Variants in PRDM10 observed in about 807,000 individuals in gnomAD.
PRDM10 encodes PR domain zinc finger protein 10.
In PRDM10, 65 loss-of-function variants were observed where a neutral mutation model predicts 133.1. The ratio of observed to expected loss-of-function variants is 0.49; its 90% CI spans 0.40 to 0.60. The LOEUF (loss-of-function observed/expected upper bound fraction) is 0.60, where lower values mean the gene tolerates loss of function less well. Ranked by LOEUF, PRDM10 falls within the 20% of genes least tolerant of loss-of-function variation. The pLI is 0.00. For missense variants in PRDM10, 1,137 were observed against 1,507.1 expected, an observed-to-expected ratio of 0.75 and a Z score of 4.07; for synonymous variants, 582 against 580.4, an observed-to-expected ratio of 1.00 and a Z score of -0.04.
At chr11:130,000,883 G>A (rs1939323335) in intron 1 of PRDM10, among the ~76,000 whole-genome samples, 1 of 152,184 alleles carries the variant, frequency 6.6e-6, no homozygotes, top group Admixed American at 6.5e-5. Flanking sequence ...GCGGCGGTAG[G>A]ATTGCTTGAG....
At chr11:129,953,536 T>G (rs1255808338) in intron 4 of PRDM10, among the ~76,000 whole-genome samples, 3 of 152,092 alleles carry the variant, frequency 2.0e-5, no homozygotes. Flanking sequence ...TCAAGTGATC[T>G]GCCTGCCTCA....
At chr11:129,915,982 T>C (rs1950344949) in intron 15 of PRDM10, 122 bp from the exon 16 acceptor site, 1 of 842,412 alleles carries the variant, frequency 1.2e-6, no homozygotes, top group Admixed American at 3.1e-5. Context: ...AAATAAAATA[T>C]ATTAATATGT....
chr11:129,986,552 A>G (rs1032475817), intron 1 of PRDM10, among the ~76,000 whole-genome samples: 3 of 152,020 alleles, frequency 2.0e-5, no homozygotes, highest in African/African-American at 7.2e-5. Flanking sequence ...ATGGCCGGCT[A>G]ATTTTTTTGT....
intron 1 of PRDM10, among the ~76,000 whole-genome samples, chr11:130,002,208 G>A (rs913019913): frequency 2.0e-5 from 3 of 147,808 alleles, no homozygotes; most frequent in African/African-American, 7.3e-5. Context: ...CGCCCGGAGC[G>A]CCCGCGCAAC....
intron 1 of PRDM10, among the ~76,000 whole-genome samples, chr11:129,972,010 G>A (rs898373646): frequency 2.0e-5 from 3 of 152,224 alleles, no homozygotes; most frequent in African/African-American, 4.8e-5. Context: ...GTGAGAAATC[G>A]AGTGCAGCGC....
intron 1 of PRDM10, among the ~76,000 whole-genome samples, chr11:129,964,849 T>C (rs1342894087): frequency 1.3e-5 from 2 of 152,258 alleles, no homozygotes; most frequent in South Asian, 2.1e-4. Flanking sequence ...ATCTATCATA[T>C]GTAAAATGGA....
chr11:129,930,180 A>C (rs1950808191), intron 11 of PRDM10, among the ~76,000 whole-genome samples: 1 of 149,906 alleles, frequency 6.7e-6, no homozygotes, highest in South Asian at 2.1e-4. Flanking sequence ...ATGCATGTAG[A>C]AATTGTAAAG....
At chr11:129,969,575 CTT>C in intron 1 of PRDM10, among the ~76,000 whole-genome samples, 1 of 151,138 alleles carries the variant, frequency 6.6e-6, no homozygotes, top group African/African-American at 2.4e-5. Flanking sequence ...GGGCGGATCA[CTT>C]GAGGAGAGTA....
In PRDM10 at chr11:129,902,323, G is replaced by A; in HGVS notation, c.3461C>T (p.Thr1154Ile). The A allele has an allele frequency of 6.2e-7, 1 of 1,614,054 alleles. No individual in the cohort carries two copies. ...GCTCCAGGGTGGAAGTCATGGTTTG[G>A]TGATATGCACTTCGCTGCTTCCGTT... Reference protein sequence around the residue: ...NGNGSSEVHITKP With the variant: ...NGNGSSEVHIIKP Residue 1154 changes from threonine (T) to isoleucine (I), a missense_variant, in exon 21 of 21, where the codon ACC becomes ATC. This residue lies in a region of PRDM10 where 243 missense variants were observed against 259.2 expected (regional missense o/e 0.94). Transcript: ENST00000360871.
chr11:129,925,935 T>C (rs1950666513), intron 11 of PRDM10, among the ~76,000 whole-genome samples: 2 of 152,212 alleles, frequency 1.3e-5, no homozygotes, highest in Admixed American at 1.3e-4. Flanking sequence ...CGAGAATTTC[T>C]TGAAAGGATT....
At chr11:129,989,208 G>C (rs191601771) in intron 1 of PRDM10, among the ~76,000 whole-genome samples, 7 of 152,250 alleles carry the variant, frequency 4.6e-5, no homozygotes, top group Admixed American at 4.6e-4. Context: ...GGGAGGCTGA[G>C]GGGGGATGAT....
chr11:129,951,910 C>T (rs532625471), intron 4 of PRDM10, among the ~76,000 whole-genome samples: 1 of 149,036 alleles, frequency 6.7e-6, no homozygotes, highest in African/African-American at 2.5e-5. Context: ...TAATGGGAAC[C>T]TTTTGGCTAA....
intron 19 of PRDM10, among the ~76,000 whole-genome samples, chr11:129,907,542 C>A (rs1950052535): frequency 1.3e-5 from 2 of 151,892 alleles, no homozygotes; most frequent in Admixed American, 1.3e-4. Context: ...GTAACTGGGA[C>A]TGTAGGTGCG....
At chr11:129,929,042 C>A (rs937229656) in intron 11 of PRDM10, among the ~76,000 whole-genome samples, 2 of 152,180 alleles carry the variant, frequency 1.3e-5, no homozygotes, top group Admixed American at 1.3e-4. Context: ...TGTAAACTCC[C>A]CTACATTAGT....
intron 13 of PRDM10, among the ~76,000 whole-genome samples, chr11:129,919,303 G>C (rs1407550046): frequency 6.6e-6 from 1 of 152,176 alleles, no homozygotes; most frequent in African/African-American, 2.4e-5. Context: ...GGAGGTGGAG[G>C]CTGCACTGAG....
intron 1 of PRDM10, among the ~76,000 whole-genome samples, chr11:129,981,361 A>G (rs1166570062): frequency 6.6e-6 from 1 of 152,144 alleles, no homozygotes; most frequent in East Asian, 1.9e-4. Context: ...GCCATTGCTG[A>G]CGTTTTAGTG....
At chr11:129,902,805 C>T (rs368517434) in intron 20 of PRDM10, among the ~76,000 whole-genome samples, 1 of 152,096 alleles carries the variant, frequency 6.6e-6, no homozygotes, top group Admixed American at 6.5e-5. Context: ...GAAAACATGC[C>T]GTTGCAATGC....
At chr11:129,965,488 C>T (rs1281808649) in intron 1 of PRDM10, among the ~76,000 whole-genome samples, 1 of 152,124 alleles carries the variant, frequency 6.6e-6, no homozygotes, top group Non-Finnish European at 1.5e-5. Context: ...TAGACTCTCA[C>T]CCCTCATCTT....
At chr11:129,980,868 T>G (rs866429192) in intron 1 of PRDM10, among the ~76,000 whole-genome samples, 34 of 141,078 alleles carry the variant, frequency 2.4e-4, no homozygotes, top group Middle Eastern at 7.0e-3. Flanking sequence ...CTGGTTTTTT[T>G]TTTTTTTTTT....
Sources: gnomAD v4.1 joint callset for allele counts (sites outside exome capture counted in the v4.1 genomes callset) on GRCh38, gnomAD v4.1.1 for gene constraint, gnomAD v4.1.1 regional missense constraint, MANE v1.5 for transcripts, NCBI Gene and HGNC (gene_info 2026-07-23, HGNC 2026-07-21) for gene names.